RPS6KC1: variants seen among roughly 807,000 people sequenced by gnomAD.
The protein encoded by RPS6KC1 is inactive ribosomal protein S6 kinase delta-1.
In RPS6KC1, 54 loss-of-function variants were observed where a neutral mutation model predicts 103.8. That is an observed-to-expected ratio of 0.52 (90% CI 0.42 to 0.65). The LOEUF (loss-of-function observed/expected upper bound fraction) is 0.65. Ranked by LOEUF, RPS6KC1 falls within the 30% of genes least tolerant of loss-of-function variation. The probability of loss-of-function intolerance (pLI) is 0.00; values close to 1 mark genes in which losing one functional copy is unlikely to be tolerated. For missense variants in RPS6KC1, 1,151 were observed against 1,253.8 expected, an observed-to-expected ratio of 0.92 and a Z score of 1.24; for synonymous variants, 439 against 438.7, an observed-to-expected ratio of 1.00 and a Z score of -0.01.
chr1:213,300,604 A>G, the RPS6KC1 span, among the ~76,000 whole-genome samples: 1 of 152,102 alleles, frequency 6.6e-6, no homozygotes, highest in Non-Finnish European at 1.5e-5. Context: ...GTGTGGGGGA[A>G]GTCTGTCTTT....
In RPS6KC1 at chr1:213,167,489, C is replaced by CACACGCACACAA. The variant is rs141541042; in HGVS notation, c.836-368_836-367insCACGCACACAAA. Among the ~76,000 whole-genome samples, 6 of 126,180 alleles carry CACACGCACACAA rather than the reference C, an allele frequency of 4.8e-5. No homozygotes were observed. The South Asian group carries it at 7.2e-4, about 15-fold the overall frequency. The allele number at this position is 126,180 out of a possible 152,430, so 82.8% of individuals were successfully genotyped here. ...ACACACACACACACACACACACACA[C>CACACGCACACAA]AACAGCTGTTGCATTTGGTCCTATT... On this transcript the variant is annotated intron_variant, in intron 6 of 14. Coordinates refer to ENST00000366960, the MANE Select transcript of RPS6KC1 (RefSeq NM_012424.6).
Position 213,117,311 on chromosome 1 carries a change from CT to C in RPS6KC1, c.379-3del. On this transcript the variant is annotated splice_polypyrimidine_tract_variant and splice_region_variant and intron_variant, in intron 4 of 14. Transcript: ENST00000366960. ...TAATGAAACACAATTGCTCTTATCT[CT>C]TTAGGGTGGAATAATTAATGATAGT... 6.4e-7 allele frequency: 1 copy of C among 1,565,594 alleles called. No individual in the cohort carries two copies. Among genetic ancestry groups the C allele is most frequent in the Non-Finnish European group, 8.8e-7 (1 of 1,139,918 alleles).
At chr1:213,073,720 G>A (rs186834398) in intron 2 of RPS6KC1, among the ~76,000 whole-genome samples, 1 of 152,014 alleles carries the variant, frequency 6.6e-6, no homozygotes, top group Non-Finnish European at 1.5e-5. Flanking sequence ...CTGTCACCCA[G>A]ACTGGAGTGC....
chr1:213,656,858 G>A, the RPS6KC1 span, among the ~76,000 whole-genome samples: 1 of 152,312 alleles, frequency 6.6e-6, no homozygotes, highest in African/African-American at 2.4e-5. Context: ...TTTCCTTATA[G>A]ATGTATTTTC....
chr1:213,572,793 A>G, the RPS6KC1 span, among the ~76,000 whole-genome samples: 2 of 152,222 alleles, frequency 1.3e-5, no homozygotes, highest in Non-Finnish European at 2.9e-5. Flanking sequence ...TTCTTCATAA[A>G]GAGATAAAAA....
chr1:213,605,191 C>A, the RPS6KC1 span, among the ~76,000 whole-genome samples: 4 of 152,152 alleles, frequency 2.6e-5, no homozygotes, highest in Non-Finnish European at 4.4e-5. Context: ...GCAGTTAGGG[C>A]TGAACAATAT....
chr1:213,062,192 T>C (rs1197706922), intron 1 of RPS6KC1, among the ~76,000 whole-genome samples: 7 of 152,210 alleles, frequency 4.6e-5, no homozygotes, highest in Admixed American at 4.6e-4. Flanking sequence ...TGTCAAATGA[T>C]GCTACAGGTA....
chr1:213,128,778 A>G (rs556304828), intron 5 of RPS6KC1, among the ~76,000 whole-genome samples: 1 of 152,324 alleles, frequency 6.6e-6, no homozygotes, highest in South Asian at 2.1e-4. Context: ...TAGTTGTTAT[A>G]TAGTTACAGG....
chr1:213,477,477 T>C, the RPS6KC1 span, among the ~76,000 whole-genome samples: 1 of 152,170 alleles, frequency 6.6e-6, no homozygotes, highest in Non-Finnish European at 1.5e-5. Context: ...TTCTCTGAGG[T>C]TTTAGAAGTG....
the RPS6KC1 span, among the ~76,000 whole-genome samples, chr1:213,317,346 G>C: frequency 6.6e-6 from 1 of 152,140 alleles, no homozygotes; most frequent in Non-Finnish European, 1.5e-5. Flanking sequence ...GTCATAGTCA[G>C]CTCAGGCTGC....
chr1:213,534,712 T>C, the RPS6KC1 span, among the ~76,000 whole-genome samples: 1 of 152,214 alleles, frequency 6.6e-6, no homozygotes, highest in Non-Finnish European at 1.5e-5. Flanking sequence ...ATGAACAATT[T>C]ATTACTTAGG....
chr1:213,054,297 C>G (rs2077168393), intron 1 of RPS6KC1, among the ~76,000 whole-genome samples: 1 of 152,206 alleles, frequency 6.6e-6, no homozygotes, highest in Non-Finnish European at 1.5e-5. Context: ...ATTGCACAGA[C>G]TGCCTTTTTT....
chr1:213,234,201 G>A (rs997538444), intron 10 of RPS6KC1, among the ~76,000 whole-genome samples: 1 of 151,860 alleles, frequency 6.6e-6, no homozygotes, highest in African/African-American at 2.4e-5. Flanking sequence ...TGTAGAGATT[G>A]GGTCTCTCTA....
chr1:213,323,392 G>A, the RPS6KC1 span, among the ~76,000 whole-genome samples: 1 of 152,166 alleles, frequency 6.6e-6, no homozygotes, highest in Non-Finnish European at 1.5e-5. Flanking sequence ...AAGGTGGCAG[G>A]GGCAAAGATG....
At chr1:213,175,558 G>T (rs771377559) in intron 7 of RPS6KC1, among the ~76,000 whole-genome samples, 3 of 152,156 alleles carry the variant, frequency 2.0e-5, no homozygotes, top group Non-Finnish European at 4.4e-5. Flanking sequence ...GTATGGAGGT[G>T]CCCTTAGAAT....
chr1:213,760,375 C>T, the RPS6KC1 span, among the ~76,000 whole-genome samples: 2 of 152,290 alleles, frequency 1.3e-5, no homozygotes, highest in Admixed American at 1.3e-4. Context: ...GGAACATTTG[C>T]ATATATGCTG....
the RPS6KC1 span, among the ~76,000 whole-genome samples, chr1:213,852,460 T>A: frequency 9.2e-4 from 140 of 152,312 alleles, 1 homozygote; most frequent in African/African-American, 3.2e-3. Context: ...TCTATTTATC[T>A]TTTTTAAATG....
intron 8 of RPS6KC1, among the ~76,000 whole-genome samples, chr1:213,216,435 C>T (rs2093661999): frequency 6.6e-6 from 1 of 152,164 alleles, no homozygotes; most frequent in Non-Finnish European, 1.5e-5. Flanking sequence ...GACTTTAACA[C>T]CGCACTGTCA....
At chr1:213,303,811 TTAA>T in the RPS6KC1 span, among the ~76,000 whole-genome samples, 2 of 152,158 alleles carry the variant, frequency 1.3e-5, no homozygotes, top group African/African-American at 2.4e-5. Flanking sequence ...TTTTATTTTA[TTAA>T]TAATATATCA....
Sources: gnomAD v4.1 joint callset for allele counts (sites outside exome capture counted in the v4.1 genomes callset) on GRCh38, gnomAD v4.1.1 for gene constraint, MANE v1.5 for transcripts, NCBI Gene and HGNC (gene_info 2026-07-23, HGNC 2026-07-21) for gene names.